NKAIN2: variants seen among roughly 807,000 people sequenced by gnomAD.
NKAIN2 encodes sodium/potassium transporting ATPase interacting 2.
A neutral mutation model predicts 32.6 loss-of-function variants in NKAIN2; 14 were observed. That is an observed-to-expected ratio of 0.43 (90% CI 0.28 to 0.67). NKAIN2 has a LOEUF of 0.67. Ranked by LOEUF, NKAIN2 falls within the 30% of genes least tolerant of loss-of-function variation. The probability of loss-of-function intolerance (pLI) is 0.17; values close to 1 mark genes in which losing one functional copy is unlikely to be tolerated. For missense variants in NKAIN2, 198 were observed against 258.3 expected, an observed-to-expected ratio of 0.77 and a Z score of 1.60; for synonymous variants, 80 against 87.2, an observed-to-expected ratio of 0.92 and a Z score of 0.46.
chr6:124,746,888 G>T (rs76925384), intron 4 of NKAIN2, among the ~76,000 whole-genome samples: 1 of 151,828 alleles, frequency 6.6e-6, no homozygotes, highest in East Asian at 2.0e-4. Flanking sequence ...ACCTCCTAAG[G>T]TCACTTTCAC....
intron 4 of NKAIN2, among the ~76,000 whole-genome samples, chr6:124,790,139 G>GA (rs1194741883): frequency 2.0e-5 from 3 of 152,082 alleles, no homozygotes; most frequent in Non-Finnish European, 4.4e-5. Flanking sequence ...GAATCTGCCA[G>GA]AACGTGCTTT....
intron 1 of NKAIN2, among the ~76,000 whole-genome samples, chr6:124,094,163 G>A (rs1426806216): frequency 2.6e-5 from 4 of 152,052 alleles, no homozygotes; most frequent in Non-Finnish European, 5.9e-5. Context: ...CTCCTCTTGT[G>A]AATATTTACA....
At chr6:124,795,586 C>T (rs1245059635) in intron 5 of NKAIN2, among the ~76,000 whole-genome samples, 1 of 152,050 alleles carries the variant, frequency 6.6e-6, no homozygotes, top group African/African-American at 2.4e-5. Context: ...CTTTGGGGTA[C>T]TATAGCAACA....
intron 3 of NKAIN2, among the ~76,000 whole-genome samples, chr6:124,548,784 T>C (rs1230177999): frequency 6.6e-6 from 1 of 152,062 alleles, no homozygotes; most frequent in Non-Finnish European, 1.5e-5. Context: ...AAATCAGGAA[T>C]GTGTGGTGAT....
chr6:124,758,203 C>T (rs1422751490), intron 4 of NKAIN2, among the ~76,000 whole-genome samples: 1 of 152,086 alleles, frequency 6.6e-6, no homozygotes, highest in African/African-American at 2.4e-5. Flanking sequence ...GCACACTTGC[C>T]TCCCCCTTGA....
At chr6:124,134,993 A>G (rs1786664431) in intron 1 of NKAIN2, among the ~76,000 whole-genome samples, 1 of 152,104 alleles carries the variant, frequency 6.6e-6, no homozygotes, top group Admixed American at 6.5e-5. Flanking sequence ...CTATCTTTAG[A>G]CTCCTCAAAC....
At chr6:124,406,926 T>G (rs1009082021) in intron 3 of NKAIN2, among the ~76,000 whole-genome samples, 1 of 152,058 alleles carries the variant, frequency 6.6e-6, no homozygotes, top group Non-Finnish European at 1.5e-5. Flanking sequence ...TTTTTCTTGT[T>G]CTTTTTCTTA....
intron 1 of NKAIN2, among the ~76,000 whole-genome samples, chr6:124,036,741 T>A (rs997516373): frequency 6.6e-6 from 1 of 152,114 alleles, no homozygotes; most frequent in Non-Finnish European, 1.5e-5. Flanking sequence ...GAATCAGTCC[T>A]CAAAATCATT....
At chr6:124,228,409 C>G (rs1582885351) in intron 1 of NKAIN2, among the ~76,000 whole-genome samples, 1 of 152,270 alleles carries the variant, frequency 6.6e-6, no homozygotes, top group Non-Finnish European at 1.5e-5. Flanking sequence ...GACTTTCAGC[C>G]TCTGGAACTG....
At chr6:124,465,339 G>A (rs1167547333) in intron 3 of NKAIN2, among the ~76,000 whole-genome samples, 2 of 152,006 alleles carry the variant, frequency 1.3e-5, no homozygotes, top group Admixed American at 6.6e-5. Context: ...GCAGGGACAT[G>A]GATGAAGCTA....
intron 1 of NKAIN2, among the ~76,000 whole-genome samples, chr6:124,101,676 T>C (rs1474371985): frequency 6.6e-6 from 1 of 152,068 alleles, no homozygotes; most frequent in Admixed American, 6.6e-5. Flanking sequence ...ATGTATGAGA[T>C]GAGAGCGCTT....
intron 2 of NKAIN2, among the ~76,000 whole-genome samples, chr6:124,328,441 T>C (rs73571158): frequency 0.011 from 1,708 of 152,312 alleles, 38 homozygotes; most frequent in African/African-American, 0.04. Context: ...TCATTTTGTG[T>C]TGGAGAAATT....
At chr6:123,828,447 C>T (rs186426145) in intron 1 of NKAIN2, among the ~76,000 whole-genome samples, 16 of 152,262 alleles carry the variant, frequency 1.1e-4, no homozygotes, top group Non-Finnish European at 1.6e-4. Flanking sequence ...CAGTGTTTGG[C>T]ATTCTGGAAG....
At chr6:124,546,318 T>C (rs566865622) in intron 3 of NKAIN2, among the ~76,000 whole-genome samples, 1 of 152,096 alleles carries the variant, frequency 6.6e-6, no homozygotes, top group South Asian at 2.1e-4. Context: ...ACATGCTCCA[T>C]GCAGATATTG....
chr6:124,725,643 A>G (rs1776246997), intron 4 of NKAIN2, among the ~76,000 whole-genome samples: 1 of 152,194 alleles, frequency 6.6e-6, no homozygotes, highest in Admixed American at 6.5e-5. Flanking sequence ...TGAAAGGGCA[A>G]TCAGTTGTTT....
intron 3 of NKAIN2, among the ~76,000 whole-genome samples, chr6:124,555,080 CTTT>C (rs916686611): frequency 6.6e-6 from 1 of 152,208 alleles, no homozygotes; most frequent in African/African-American, 2.4e-5. Flanking sequence ...CCCAAGACCA[CTTT>C]TCTGGCAGGA....
intron 3 of NKAIN2, among the ~76,000 whole-genome samples, chr6:124,494,376 G>T (rs964903951): frequency 7.2e-5 from 11 of 152,002 alleles, no homozygotes; most frequent in Non-Finnish European, 1.6e-4. Flanking sequence ...TCACAAAAAA[G>T]CCCTTTAAAG....
chr6:124,109,509 A>G (rs1365521807), intron 1 of NKAIN2, among the ~76,000 whole-genome samples: 2 of 152,174 alleles, frequency 1.3e-5, no homozygotes, highest in African/African-American at 4.8e-5. Flanking sequence ...TTGTCTATGT[A>G]TAAGATTATG....
Position 123,842,134 on chromosome 6 carries a change from C to T in NKAIN2, c.54+37880C>T, listed in dbSNP as rs76958463. Among the ~76,000 whole-genome samples, 9 of 152,248 alleles carry T rather than the reference C, an allele frequency of 5.9e-5. No homozygotes were observed. The East Asian group carries it at 1.7e-3, about 29-fold the overall frequency. On this transcript the variant is annotated intron_variant, in intron 1 of 6. Transcript: ENST00000368417. ...AGGTGGTAAAATAATGCTAACAAGACAATTTATTCAAATTACTTGGAGACA... is the reference window on the plus strand; with the variant it reads ...AGGTGGTAAAATAATGCTAACAAGATAATTTATTCAAATTACTTGGAGACA...
Sources: allele counts gnomAD v4.1 joint callset (sites outside exome capture counted in the v4.1 genomes callset), GRCh38; gene constraint gnomAD v4.1.1; transcripts MANE v1.5; gene names NCBI Gene and HGNC (gene_info 2026-07-23, HGNC 2026-07-21).